The following WWOX variants were observed in gnomAD, a reference collection of about 807,000 sequenced individuals.
WWOX encodes WW domain-containing oxidoreductase.
Under a neutral mutation model 46.2 loss-of-function variants are expected in WWOX, and 69 were observed. The ratio of observed to expected loss-of-function variants is 1.49; its 90% CI spans 1.23 to 1.82. WWOX has a LOEUF of 1.82. Among genes scored for constraint, WWOX ranks in the 40% most tolerant of loss-of-function variants. The probability of loss-of-function intolerance (pLI) is 0.00; values close to 1 mark genes in which losing one functional copy is unlikely to be tolerated. For missense variants in WWOX, 919 were observed against 542.6 expected (o/e 1.69, Z -6.89); for synonymous variants, 359 against 202.6 (o/e 1.77, Z -6.56).
At chr16:79,064,625 T>G (rs1294934719) in intron 8 of WWOX, among the ~76,000 whole-genome samples, 1 of 152,198 alleles carries the variant, frequency 6.6e-6, no homozygotes, top group Non-Finnish European at 1.5e-5. Context: ...AAGCAGTTAT[T>G]TAGCCGTCCA....
At chr16:79,042,648 C>G (rs775866711) in intron 8 of WWOX, among the ~76,000 whole-genome samples, 2 of 151,818 alleles carry the variant, frequency 1.3e-5, no homozygotes, top group African/African-American at 2.4e-5. Flanking sequence ...GTTAATCATA[C>G]GCATACAGTG....
At chr16:79,123,319 G>A (rs8044667) in intron 8 of WWOX, among the ~76,000 whole-genome samples, 32,459 of 152,088 alleles carry the variant, frequency 0.21, 3,776 homozygotes, top group East Asian at 0.37. Context: ...CAACGTAGGC[G>A]TGATCAGGCC....
At chr16:78,596,840 AG>A (rs1306512263) in intron 8 of WWOX, among the ~76,000 whole-genome samples, 1 of 152,148 alleles carries the variant, frequency 6.6e-6, no homozygotes, top group Non-Finnish European at 1.5e-5. Flanking sequence ...TGATCTCAGC[AG>A]TGATGGGGCT....
At chr16:78,921,386 C>A (rs192921495) in intron 8 of WWOX, among the ~76,000 whole-genome samples, 1 of 152,162 alleles carries the variant, frequency 6.6e-6, no homozygotes, top group African/African-American at 2.4e-5. Context: ...ACTCACTGGT[C>A]ATGGGGAGTA....
At chr16:78,868,227 A>G (rs1177468056) in intron 8 of WWOX, among the ~76,000 whole-genome samples, 1 of 152,190 alleles carries the variant, frequency 6.6e-6, no homozygotes, top group Non-Finnish European at 1.5e-5. Flanking sequence ...TACCTTTAAT[A>G]ACATAGATGA....
chr16:79,065,088 A>G (rs2048418531), intron 8 of WWOX, among the ~76,000 whole-genome samples: 1 of 152,126 alleles, frequency 6.6e-6, no homozygotes, highest in Admixed American at 6.6e-5. Flanking sequence ...TCCACTTCCC[A>G]CCTTACTTAT....
chr16:78,923,274 C>T (rs897768648), intron 8 of WWOX, among the ~76,000 whole-genome samples: 1 of 152,160 alleles, frequency 6.6e-6, no homozygotes, highest in Non-Finnish European at 1.5e-5. Context: ...AGCCACTGTG[C>T]CCGGCCATCT....
At chr16:78,830,694 C>T (rs1198929183) in intron 8 of WWOX, among the ~76,000 whole-genome samples, 4 of 151,776 alleles carry the variant, frequency 2.6e-5, no homozygotes, top group African/African-American at 9.7e-5. Context: ...TACGGCCGTG[C>T]AGCTTTCTGG....
chr16:78,187,515 A>G (rs993409965), intron 5 of WWOX, among the ~76,000 whole-genome samples: 4 of 152,118 alleles, frequency 2.6e-5, no homozygotes, highest in African/African-American at 9.7e-5. Context: ...AGGCAGGAGA[A>G]TTGCTTGAAC....
At chr16:78,628,582 A>G (rs558336421) in intron 8 of WWOX, among the ~76,000 whole-genome samples, 77 of 152,254 alleles carry the variant, frequency 5.1e-4, no homozygotes, top group African/African-American at 1.8e-3. Context: ...ATTACACAGA[A>G]TAAGCACTGA....
chr16:78,357,003 C>T (rs374807430), intron 5 of WWOX, among the ~76,000 whole-genome samples: 3 of 152,174 alleles, frequency 2.0e-5, no homozygotes, highest in Non-Finnish European at 4.4e-5. Context: ...ATACCTTTGC[C>T]TCAGTACTAC....
intron 8 of WWOX, among the ~76,000 whole-genome samples, chr16:78,787,392 G>C (rs1001213224): frequency 1.3e-5 from 2 of 151,964 alleles, no homozygotes; most frequent in African/African-American, 2.4e-5. Context: ...GACTATTCTG[G>C]ATATCTCATA....
chr16:78,702,062 TTA>T lies in WWOX; in HGVS notation c.1056+269321_1056+269322del, dbSNP rs548266175. Among the ~76,000 whole-genome samples the T allele has an allele frequency of 8.5e-3, 998 of 116,866 alleles. 37 individuals are homozygous for T. Among genetic ancestry groups the T allele is most frequent in the African/African-American group, 0.034 (950 of 27,664 alleles). 76.7% of individuals were successfully genotyped at this position (116,866 alleles called of 152,430 possible). On this transcript the variant is annotated intron_variant, in intron 8 of 8. Transcript: ENST00000566780. Reference sequence around the variant, plus strand: ...ATATATATAAAATAATGCAGAAGTTTTATATATATATAAAGTTTTATATTTAT... The same window carrying T: ...ATATATATAAAATAATGCAGAAGTTTTATATATATAAAGTTTTATATTTAT...
chr16:78,220,006 A>G (rs1207112728), intron 5 of WWOX, among the ~76,000 whole-genome samples: 7 of 152,192 alleles, frequency 4.6e-5, no homozygotes, highest in Non-Finnish European at 1.0e-4. Flanking sequence ...TTACCAGTAT[A>G]ATTATTCTGT....
At chr16:78,424,332 C>G (rs1261897530) in intron 6 of WWOX, among the ~76,000 whole-genome samples, 5 of 152,036 alleles carry the variant, frequency 3.3e-5, no homozygotes, top group African/African-American at 1.2e-4. Flanking sequence ...GTTGGTCAGG[C>G]TGGTCTCAAA....
intron 5 of WWOX, among the ~76,000 whole-genome samples, chr16:78,268,258 TA>T (rs1276429656): frequency 6.6e-6 from 1 of 152,250 alleles, no homozygotes; most frequent in Non-Finnish European, 1.5e-5. Flanking sequence ...AGTAGCATTC[TA>T]TTTTTCCCCA....
chr16:78,920,020 T>C (rs1351870884), intron 8 of WWOX, among the ~76,000 whole-genome samples: 2 of 152,198 alleles, frequency 1.3e-5, no homozygotes. Flanking sequence ...CTGAGGGTCA[T>C]TGTATCAGTC....
At position 78,419,698 on chromosome 16, in the gene WWOX, G is replaced by T. The variant is rs533412203; in HGVS notation, c.606-5172G>T. On this transcript the variant is annotated intron_variant, in intron 6 of 8. Transcript: ENST00000566780. ...AGCTAAAACTATACAACTCTTAGAA[G>T]CAAACATAGGGGTATATTTTTCTGA... 2.3e-3 allele frequency among the ~76,000 whole-genome samples: 322 copies of T among 142,030 alleles called. 1 individual carries two copies. Among genetic ancestry groups the T allele is most frequent in the African/African-American group, 8.1e-3 (310 of 38,174 alleles). 93.2% of individuals were successfully genotyped at this position (142,030 alleles called of 152,430 possible).
At chr16:79,013,868 G>T (rs754551367) in intron 8 of WWOX, among the ~76,000 whole-genome samples, 5 of 152,130 alleles carry the variant, frequency 3.3e-5, no homozygotes, top group Non-Finnish European at 7.3e-5. Context: ...CGCCCTCCCA[G>T]GTGTTTGTAA....
Sources: gnomAD v4.1 joint callset for allele counts (sites outside exome capture counted in the v4.1 genomes callset) on GRCh38, gnomAD v4.1.1 for gene constraint, MANE v1.5 for transcripts, NCBI Gene and HGNC (gene_info 2026-07-23, HGNC 2026-07-21) for gene names.